The following HMGCS2 variants were observed in gnomAD, a reference collection of about 807,000 sequenced individuals.
HMGCS2 encodes hydroxymethylglutaryl-CoA synthase, mitochondrial.
HMGCS2 carries 50 observed loss-of-function variants against 57.4 expected under a neutral mutation model. The ratio of observed to expected loss-of-function variants is 0.87; its 90% CI spans 0.69 to 1.10. The LOEUF is 1.10. HMGCS2 is among the 50% of genes least tolerant of loss of function. The probability of loss-of-function intolerance (pLI) is 0.00; values close to 1 mark genes in which losing one functional copy is unlikely to be tolerated. For synonymous variants in HMGCS2, 254 were observed against 245.1 expected (o/e 1.04, Z -0.34); for missense variants, 627 against 636.5 (o/e 0.99, Z 0.16).
chr1:119,757,457 A>G lies in HMGCS2; in HGVS notation c.851-19T>C, dbSNP rs373541639. ...CTGCCAGCTGGAAGAGGAAGCGTGA[A>G]GGCAAGGATGGGGCATGAGGGGCGA... On this transcript the variant is annotated intron_variant, in intron 4 of 9. Transcript: ENST00000369406. 172 of 1,614,012 alleles carry G rather than the reference A, an allele frequency of 1.1e-4. No homozygotes were observed. The highest frequency in any genetic ancestry group is 1.4e-4 in the Non-Finnish European group (163 of 1,179,996).
chr1:119,761,361 A>C (rs1653033399), intron 2 of HMGCS2, among the ~76,000 whole-genome samples: 1 of 152,044 alleles, frequency 6.6e-6, no homozygotes, highest in African/African-American at 2.4e-5. Context: ...TGATTATCTA[A>C]AAATCAAAGC....
At chr1:119,762,376 T>C (rs1354986566) in intron 2 of HMGCS2, among the ~76,000 whole-genome samples, 1 of 151,798 alleles carries the variant, frequency 6.6e-6, no homozygotes, top group African/African-American at 2.4e-5. Context: ...AAATGAGGAG[T>C]CTTTCTTTGC....
At chr1:119,759,588 G>A (rs1652966126) in intron 3 of HMGCS2, among the ~76,000 whole-genome samples, 1 of 152,168 alleles carries the variant, frequency 6.6e-6, no homozygotes, top group African/African-American at 2.4e-5. Flanking sequence ...TCAATTGCCA[G>A]AAGAGTTCCC....
chr1:119,766,638 G>A (rs1277877402), intron 1 of HMGCS2, among the ~76,000 whole-genome samples: 1 of 152,206 alleles, frequency 6.6e-6, no homozygotes, highest in Admixed American at 6.5e-5. Context: ...TTACGGAGGA[G>A]CTTCCCCAGT....
intron 1 of HMGCS2, among the ~76,000 whole-genome samples, chr1:119,767,974 C>T (rs959340490): frequency 6.6e-6 from 1 of 152,066 alleles, no homozygotes; most frequent in Admixed American, 6.5e-5. Flanking sequence ...GGGTATTTGG[C>T]AAGGAAAGAC....
In HMGCS2 at chr1:119,764,546, T is replaced by A; in HGVS notation, c.185A>T (p.Tyr62Phe). The A allele has an allele frequency of 6.2e-7, 1 of 1,614,192 alleles. No homozygotes were observed. The highest frequency in any genetic ancestry group is 8.5e-7 in the Non-Finnish European group (1 of 1,180,022). ...TTGGTCCACATATTGGGCTGGGAAG[T>A]AGACCTCCAGGGCCAGGATGCCCAC... Reference protein sequence around the residue: ...KDVGILALEVYFPAQYVDQTD... With the variant: ...KDVGILALEVFFPAQYVDQTD... Residue 62 changes from tyrosine (Y) to phenylalanine (F), a missense_variant, in exon 2 of 10, where the codon TAC becomes TTC. Coordinates refer to ENST00000369406, the MANE Select transcript of HMGCS2 (RefSeq NM_005518.4).
rs113116115 is a variant in HMGCS2 at position 119,753,178 on chromosome 1, G to C, written c.1294+102C>G. The C allele has an allele frequency of 1.1e-3, 864 of 756,050 alleles. 7 individuals are homozygous for C. In the African/African-American group the frequency reaches 0.013, roughly 11 times the overall value. The allele number at this position is 756,050 out of a possible 1,614,324, so 46.8% of individuals were successfully genotyped here. The stretch of plus-strand genomic sequence containing the variant: ...GATTTACTTTGCTATTAATAATAAC[G>C]TAACTCTGTCAAGATGGCAGCCTCA... On this transcript the variant is annotated intron_variant, in intron 7 of 9. Transcript: ENST00000369406.
At chr1:119,757,654 A>G (rs1652895057) in intron 4 of HMGCS2, among the ~76,000 whole-genome samples, 1 of 152,228 alleles carries the variant, frequency 6.6e-6, no homozygotes, top group Non-Finnish European at 1.5e-5. Context: ...AAGCCTTTGT[A>G]TCTACTATTA....
intron 6 of HMGCS2, among the ~76,000 whole-genome samples, chr1:119,753,608 C>A (rs1396736572): frequency 6.6e-6 from 1 of 152,056 alleles, no homozygotes; most frequent in Non-Finnish European, 1.5e-5. Flanking sequence ...GTGTAGGAAA[C>A]CTTGCCAAAA....
intron 6 of HMGCS2, among the ~76,000 whole-genome samples, chr1:119,753,645 T>C (rs1003018671): frequency 6.6e-6 from 1 of 152,072 alleles, no homozygotes; most frequent in African/African-American, 2.4e-5. Context: ...CCAAGATATA[T>C]AAGGCAGAGA....
At chr1:119,765,800 CT>C (rs1324536140) in intron 1 of HMGCS2, among the ~76,000 whole-genome samples, 1 of 152,174 alleles carries the variant, frequency 6.6e-6, no homozygotes, top group East Asian at 1.9e-4. Flanking sequence ...TGTTTTCCTA[CT>C]TTTAAGTAAG....
chr1:119,766,747 C>A (rs1653244648), intron 1 of HMGCS2, among the ~76,000 whole-genome samples: 1 of 151,952 alleles, frequency 6.6e-6, no homozygotes, highest in South Asian at 2.1e-4. Flanking sequence ...TGGCTCCCTC[C>A]CTTTCTTCCC....
At chr1:119,752,713 G>A in intron 7 of HMGCS2, 39 bp from the exon 8 acceptor site, 1 of 1,612,218 alleles carries the variant, frequency 6.2e-7, no homozygotes, top group Non-Finnish European at 8.5e-7. Flanking sequence ...CTTTTTCATT[G>A]TCATTATCAC....
At chr1:119,750,150 T>C (rs759526106) in intron 9 of HMGCS2, among the ~76,000 whole-genome samples, 5 of 152,202 alleles carry the variant, frequency 3.3e-5, no homozygotes, top group Non-Finnish European at 7.4e-5. Flanking sequence ...ACCCTTAGCC[T>C]AAAACTCCCT....
intron 4 of HMGCS2, among the ~76,000 whole-genome samples, chr1:119,758,536 C>T (rs1652927964): frequency 6.6e-6 from 1 of 152,188 alleles, no homozygotes; most frequent in Admixed American, 6.5e-5. Flanking sequence ...CCACTCCCTG[C>T]TTTTCTGTAT....
Position 119,752,546 on chromosome 1 carries a change from T to C in HMGCS2, c.1420+3A>G. On this transcript the variant is annotated splice_donor_region_variant and intron_variant, in intron 8 of 9. Coordinates refer to ENST00000369406, the MANE Select transcript of HMGCS2 (RefSeq NM_005518.4). ...CTTCCTCTCTTCCTGACTTTTTTCT[T>C]ACCCTTATGGTAGAATTGCTCTCTT... The C allele has an allele frequency of 1.2e-6, 2 of 1,613,962 alleles. No individual in the cohort carries two copies. The highest frequency in any genetic ancestry group is 1.7e-6 in the Non-Finnish European group (2 of 1,179,860).
intron 2 of HMGCS2, 32 bp downstream of exon 2, chr1:119,764,140 C>A: frequency 1.9e-6 from 3 of 1,601,394 alleles, no homozygotes; most frequent in Non-Finnish European, 2.6e-6. Flanking sequence ...ATTCCAGCAC[C>A]TTTCTTACAT....
chr1:119,762,397 T>C (rs1653076097), intron 2 of HMGCS2, among the ~76,000 whole-genome samples: 1 of 152,138 alleles, frequency 6.6e-6, no homozygotes. Context: ...TTTATATACT[T>C]TTGTGTATGT....
chr1:119,754,685 G>A (rs1652774755), intron 6 of HMGCS2, among the ~76,000 whole-genome samples: 1 of 152,148 alleles, frequency 6.6e-6, no homozygotes, highest in African/African-American at 2.4e-5. Flanking sequence ...GGGAAGGTGA[G>A]GTGCATTGAG....
Sources: gnomAD v4.1 joint callset for allele counts (sites outside exome capture counted in the v4.1 genomes callset) on GRCh38, gnomAD v4.1.1 for gene constraint, MANE v1.5 for transcripts, NCBI Gene and HGNC (gene_info 2026-07-23, HGNC 2026-07-21) for gene names.